The following RAPGEF5 variants were observed in gnomAD, a reference collection of about 807,000 sequenced individuals.
RAPGEF5 encodes the protein Rap guanine nucleotide exchange factor 5, also known as M-Ras-regulated GEF.
In RAPGEF5, 65 loss-of-function variants were observed where a neutral mutation model predicts 125.2. That is an observed-to-expected ratio of 0.52 (90% confidence interval 0.43 to 0.64). The LOEUF (loss-of-function observed/expected upper bound fraction) is 0.64. Among genes scored for constraint, RAPGEF5 ranks in the 30% least tolerant of loss-of-function variants. The pLI is 0.00. For missense variants in RAPGEF5, 958 were observed against 1,048.1 expected (o/e 0.91, Z 1.19); for synonymous variants, 391 against 385.9 (o/e 1.01, Z -0.16).
intron 1 of RAPGEF5, among the ~76,000 whole-genome samples, chr7:22,328,546 AAATC>A (rs1210115490): frequency 6.6e-6 from 1 of 152,222 alleles, no homozygotes; most frequent in African/African-American, 2.4e-5. Flanking sequence ...TGACAAGTGG[AAATC>A]CTGTAATTGA....
chr7:22,157,246 A>T (rs1783839950), intron 15 of RAPGEF5, among the ~76,000 whole-genome samples: 1 of 152,084 alleles, frequency 6.6e-6, no homozygotes, highest in Non-Finnish European at 1.5e-5. Context: ...TCACAATCCG[A>T]TCCTCTGCTA....
At chr7:22,148,146 G>C (rs1351953066) in intron 18 of RAPGEF5, among the ~76,000 whole-genome samples, 1 of 152,164 alleles carries the variant, frequency 6.6e-6, no homozygotes, top group African/African-American at 2.4e-5. Flanking sequence ...TGAGGTGGAG[G>C]AAAAGCTGAG....
intron 8 of RAPGEF5, among the ~76,000 whole-genome samples, chr7:22,222,217 C>G (rs745427104): frequency 6.6e-6 from 1 of 151,968 alleles, no homozygotes; most frequent in African/African-American, 2.4e-5. Flanking sequence ...GTGCACTGGA[C>G]GACAGAGCGA....
chr7:22,221,142 G>GGACA (rs1785778233), intron 8 of RAPGEF5, among the ~76,000 whole-genome samples: 1 of 152,128 alleles, frequency 6.6e-6, no homozygotes, highest in African/African-American at 2.4e-5. Flanking sequence ...GACTCCTAGA[G>GGACA]GACAGCAAGT....
chr7:22,322,530 A>G (rs1193952535), intron 1 of RAPGEF5, among the ~76,000 whole-genome samples: 4 of 152,198 alleles, frequency 2.6e-5, no homozygotes, highest in African/African-American at 9.7e-5. Context: ...TATTTTGTAG[A>G]TGACAAAACT....
At chr7:22,263,902 T>A (rs10243595) in intron 7 of RAPGEF5, among the ~76,000 whole-genome samples, 65,055 of 151,876 alleles carry the variant, frequency 0.43, 14,567 homozygotes, top group East Asian at 0.7. Flanking sequence ...TCTTCTTCAT[T>A]CATTCCTGTA....
intron 8 of RAPGEF5, among the ~76,000 whole-genome samples, chr7:22,221,813 T>C (rs1785796940): frequency 6.6e-6 from 1 of 152,232 alleles, no homozygotes; most frequent in South Asian, 2.1e-4. Context: ...TATGTCTTTA[T>C]TAGCAGCATG....
chr7:22,238,868 G>A (rs1786254869), intron 7 of RAPGEF5, among the ~76,000 whole-genome samples: 1 of 152,144 alleles, frequency 6.6e-6, no homozygotes, highest in Non-Finnish European at 1.5e-5. Flanking sequence ...TATACAGGAA[G>A]TGAGTAAAGG....
intron 9 of RAPGEF5, among the ~76,000 whole-genome samples, chr7:22,211,919 C>T (rs1713128006): frequency 6.6e-6 from 1 of 151,252 alleles, no homozygotes; most frequent in Non-Finnish European, 1.5e-5. Context: ...TCTAAAGCTG[C>T]TCTCTTCTCC....
intron 21 of RAPGEF5, 44 bp downstream of exon 21, chr7:22,139,981 A>T: frequency 6.8e-7 from 1 of 1,465,822 alleles, no homozygotes. Context: ...AAATTACTTT[A>T]TTTCCATTTT....
intron 6 of RAPGEF5, among the ~76,000 whole-genome samples, chr7:22,271,093 T>C (rs1027503825): frequency 3.9e-5 from 6 of 152,218 alleles, no homozygotes; most frequent in Non-Finnish European, 1.5e-5. Context: ...GTCTACTTAC[T>C]GGGAAATGCT....
intron 4 of RAPGEF5, 28 bp downstream of exon 4, chr7:22,309,941 T>C (rs766402214): frequency 6.5e-7 from 1 of 1,544,590 alleles, no homozygotes. Context: ...AAAATAATGA[T>C]GCTGTGCCTT....
intron 18 of RAPGEF5, among the ~76,000 whole-genome samples, chr7:22,147,614 AC>A (rs537001397): frequency 4.4e-4 from 67 of 152,368 alleles, no homozygotes; most frequent in Middle Eastern, 3.4e-3. Context: ...TGCTTTCCCT[AC>A]GTAAATAGGG....
chr7:22,256,595 T>A (rs550680109), intron 7 of RAPGEF5, among the ~76,000 whole-genome samples: 1 of 152,320 alleles, frequency 6.6e-6, no homozygotes, highest in African/African-American at 2.4e-5. Flanking sequence ...AACACTTAAC[T>A]AGCTATGGGC....
intron 6 of RAPGEF5, among the ~76,000 whole-genome samples, chr7:22,287,339 T>A (rs371054354): frequency 2.0e-5 from 3 of 152,356 alleles, no homozygotes; most frequent in Admixed American, 6.5e-5. Flanking sequence ...TCCTTCAATA[T>A]GAAAACTCAT....
chr7:22,286,142 G>A (rs1032513051), intron 6 of RAPGEF5, among the ~76,000 whole-genome samples: 2 of 152,160 alleles, frequency 1.3e-5, no homozygotes, highest in African/African-American at 4.8e-5. Flanking sequence ...TCTGACTACG[G>A]ATCAGAAGAG....
intron 1 of RAPGEF5, among the ~76,000 whole-genome samples, chr7:22,333,586 A>C (rs1322043751): frequency 4.6e-5 from 7 of 152,202 alleles, no homozygotes; most frequent in Non-Finnish European, 1.0e-4. Flanking sequence ...AATTTTTAAA[A>C]AGAGGGGGAC....
chr7:22,193,105 G>T, intron 11 of RAPGEF5: 1 of 536,640 alleles, frequency 1.9e-6, no homozygotes, highest in South Asian at 2.8e-5. Context: ...TGAGATTTGG[G>T]AAAAATTGCC....
chr7:22,139,780 C>T (rs573009003), intron 21 of RAPGEF5: 28 of 391,700 alleles, frequency 7.1e-5, no homozygotes, highest in East Asian at 1.8e-4. Context: ...CAGCCTGGAA[C>T]GAGCACTGCA....
Sources: allele counts gnomAD v4.1 joint callset (sites outside exome capture counted in the v4.1 genomes callset), GRCh38; gene constraint gnomAD v4.1.1; transcripts MANE v1.5; gene names NCBI Gene and HGNC (gene_info 2026-07-23, HGNC 2026-07-21).